Variants in THSD7B observed in about 807,000 individuals in gnomAD.
The protein encoded by THSD7B is thrombospondin type 1 domain containing 7B.
THSD7B carries 138 observed loss-of-function variants against 213.6 expected under a neutral mutation model. That is an observed-to-expected ratio of 0.65 (90% CI 0.56 to 0.74). THSD7B has a LOEUF of 0.74. THSD7B is among the 30% of genes least tolerant of loss of function. The pLI, the probability that THSD7B is intolerant of heterozygous loss-of-function variation, is 0.00. For missense variants in THSD7B, 1,931 were observed against 1,991.5 expected (o/e 0.97, Z 0.58); for synonymous variants, 742 against 687.0 (o/e 1.08, Z -1.25).
intron 14 of THSD7B, among the ~76,000 whole-genome samples, chr2:137,423,755 T>C (rs1686979148): frequency 1.3e-5 from 2 of 152,124 alleles, no homozygotes; most frequent in Admixed American, 1.3e-4. Context: ...AATTAATCTA[T>C]TTAGTTCAGA....
intron 1 of THSD7B, among the ~76,000 whole-genome samples, chr2:136,863,605 C>G (rs1374875060): frequency 6.6e-6 from 1 of 152,162 alleles, no homozygotes; most frequent in Non-Finnish European, 1.5e-5. Flanking sequence ...AATTTGGCCT[C>G]ATTTCTCTGA....
intron 15 of THSD7B, among the ~76,000 whole-genome samples, chr2:137,490,543 T>A (rs1331023617): frequency 1.3e-5 from 2 of 152,164 alleles, no homozygotes; most frequent in African/African-American, 4.8e-5. Context: ...TGCACATACA[T>A]CATGGTCTAC....
intron 4 of THSD7B, among the ~76,000 whole-genome samples, chr2:137,110,097 T>C (rs1010082047): frequency 2.0e-5 from 3 of 152,184 alleles, no homozygotes; most frequent in Non-Finnish European, 4.4e-5. Flanking sequence ...TCCCTCGTCA[T>C]GGCACTGAAA....
intron 27 of THSD7B, among the ~76,000 whole-genome samples, chr2:137,668,727 A>G (rs778155390): frequency 3.5e-4 from 54 of 152,182 alleles, no homozygotes; most frequent in Non-Finnish European, 1.6e-4. Context: ...CAAATAACGC[A>G]TATTTTGTAT....
At chr2:137,279,572 C>T (rs1369182605) in intron 12 of THSD7B, among the ~76,000 whole-genome samples, 2 of 151,972 alleles carry the variant, frequency 1.3e-5, no homozygotes, top group South Asian at 2.1e-4. Context: ...ATAAAGTGAT[C>T]GATGCAGTGT....
At chr2:136,766,714 T>C (rs1041463408) in intron 1 of THSD7B, among the ~76,000 whole-genome samples, 4 of 152,190 alleles carry the variant, frequency 2.6e-5, no homozygotes, top group African/African-American at 9.7e-5. Flanking sequence ...TGCGATTCAA[T>C]ACTGTACAGT....
chr2:137,266,537 G>T (rs1290650562), intron 10 of THSD7B, among the ~76,000 whole-genome samples: 2 of 152,162 alleles, frequency 1.3e-5, no homozygotes, highest in East Asian at 1.9e-4. Context: ...GGAGTTAAAA[G>T]GTGGTAAGCC....
At chr2:137,028,031 A>G (rs1686586802) in intron 2 of THSD7B, among the ~76,000 whole-genome samples, 1 of 152,114 alleles carries the variant, frequency 6.6e-6, no homozygotes, top group Non-Finnish European at 1.5e-5. Context: ...TATTATTCCT[A>G]TATGTATATA....
chr2:137,613,868 A>G (rs2104835673), intron 17 of THSD7B, among the ~76,000 whole-genome samples: 1 of 152,234 alleles, frequency 6.6e-6, no homozygotes, highest in South Asian at 2.1e-4. Flanking sequence ...ACTTTGTATA[A>G]ACAGCTAATA....
chr2:137,377,395 G>T (rs1175248591), intron 12 of THSD7B, among the ~76,000 whole-genome samples: 2 of 151,986 alleles, frequency 1.3e-5, no homozygotes, highest in Non-Finnish European at 2.9e-5. Flanking sequence ...TTATTTGTGG[G>T]TATACTTTTA....
At chr2:137,471,097 T>G (rs1688086015) in intron 15 of THSD7B, among the ~76,000 whole-genome samples, 1 of 151,888 alleles carries the variant, frequency 6.6e-6, no homozygotes, top group Non-Finnish European at 1.5e-5. Flanking sequence ...TGTTTTATAT[T>G]TTTAATAGAG....
chr2:137,485,790 G>T (rs902966333), intron 15 of THSD7B, among the ~76,000 whole-genome samples: 3 of 152,120 alleles, frequency 2.0e-5, no homozygotes, highest in Non-Finnish European at 2.9e-5. Flanking sequence ...GACTAACAGC[G>T]GATCTCTCAG....
Position 136,788,775 on chromosome 2 carries a change from G to A in THSD7B, c.-36+23088G>A, listed in dbSNP as rs147766224. Among the ~76,000 whole-genome samples, 903 of 152,168 alleles carry A rather than the reference G, an allele frequency of 5.9e-3. 15 individuals are homozygous for A. The highest frequency in any genetic ancestry group is 0.02 in the African/African-American group (846 of 41,516). ...AAGTAAGCCAAGTTATCAACTAGGT[G>A]TTTGTAAATCATTATTTTGCATAAG... On this transcript the variant is annotated intron_variant, in intron 1 of 27. Coordinates refer to ENST00000409968, the MANE Select transcript of THSD7B (RefSeq NM_001316349.2).
At chr2:137,175,169 A>G (rs901296253) in intron 7 of THSD7B, among the ~76,000 whole-genome samples, 1 of 152,046 alleles carries the variant, frequency 6.6e-6, no homozygotes, top group Non-Finnish European at 1.5e-5. Flanking sequence ...TGGGCAGAAG[A>G]CTCCATGGGG....
In THSD7B at chr2:136,861,365, A is replaced by G. The variant is rs370022458; in HGVS notation, c.-35-20779A>G. On this transcript the variant is annotated intron_variant, in intron 1 of 27. Transcript: ENST00000409968. ...TTAGATTCTCATTCCATTCATATTT[A>G]TTGAACACCTACCATGTGTGAGATT... Among the ~76,000 whole-genome samples, 43 of 152,314 alleles carry G rather than the reference A, an allele frequency of 2.8e-4. 2 individuals carry two copies. The South Asian group carries it at 8.9e-3, about 32-fold the overall frequency.
At chr2:137,610,467 C>G (rs772913262) in intron 17 of THSD7B, among the ~76,000 whole-genome samples, 7 of 152,092 alleles carry the variant, frequency 4.6e-5, no homozygotes, top group Non-Finnish European at 7.4e-5. Context: ...TGGAGTACCC[C>G]CTTCGGTTCT....
At chr2:137,105,034 G>A (rs1258440851) in intron 4 of THSD7B, among the ~76,000 whole-genome samples, 2 of 152,160 alleles carry the variant, frequency 1.3e-5, no homozygotes, top group Admixed American at 1.3e-4. Context: ...TAGAAAAAGA[G>A]GGAATCCTCC....
rs1558749553 is a variant in THSD7B, at chr2:137,303,674, A to ATATATATT, written c.2500+27655_2500+27656insTTATATAT. On this transcript the variant is annotated intron_variant, in intron 12 of 27. Transcript: ENST00000409968. ...CACATTTTCGTGTTTATATATATTAATATATATATTTATATATATTTATAT... is the reference window on the plus strand; with the variant it reads ...CACATTTTCGTGTTTATATATATTAATATATATTTATATATATTTATATATATTTATAT... Among the ~76,000 whole-genome samples the ATATATATT allele has an allele frequency of 5.7e-4, 66 of 115,552 alleles. 3 individuals are homozygous for ATATATATT. The highest frequency in any genetic ancestry group is 2.5e-3 in the African/African-American group (62 of 24,962). 75.8% of individuals were successfully genotyped at this position (115,552 alleles called of 152,430 possible). A position where few individuals can be genotyped will look rare whatever the true frequency, so the allele number is the denominator to read the frequency against.
At chr2:137,261,310 G>A (rs1322288135) in intron 10 of THSD7B, among the ~76,000 whole-genome samples, 1 of 152,060 alleles carries the variant, frequency 6.6e-6, no homozygotes, top group Non-Finnish European at 1.5e-5. Flanking sequence ...GGAAGTATAG[G>A]GGTCATCTAG....
Sources: allele counts gnomAD v4.1 joint callset (sites outside exome capture counted in the v4.1 genomes callset), GRCh38; gene constraint gnomAD v4.1.1; transcripts MANE v1.5; gene names NCBI Gene and HGNC (gene_info 2026-07-23, HGNC 2026-07-21).